The following ABCA9 variants were observed in gnomAD, a reference collection of about 807,000 sequenced individuals.
ABCA9 encodes the protein ATP-binding cassette sub-family A member 9.
Under a neutral mutation model 205.3 loss-of-function variants are expected in ABCA9, and 183 were observed. The observed-to-expected ratio is 0.89, with a 90% confidence interval of 0.79 to 1.01. The LOEUF (loss-of-function observed/expected upper bound fraction) is 1.01, where lower values mean the gene tolerates loss of function less well. Ranked by LOEUF, ABCA9 falls within the 50% of genes least tolerant of loss-of-function variation. The probability of loss-of-function intolerance (pLI) is 0.00; values close to 1 mark genes in which losing one functional copy is unlikely to be tolerated. For synonymous variants in ABCA9, 651 were observed against 683.3 expected (o/e 0.95, Z 0.74); for missense variants, 1,805 against 1,912.4 (o/e 0.94, Z 1.05).
chr17:69,077,284 GA>G, the ABCA9 span, among the ~76,000 whole-genome samples: 1 of 152,196 alleles, frequency 6.6e-6, no homozygotes, highest in East Asian at 1.9e-4. Context: ...TCATTCAGGA[GA>G]AAGTTTTTAA....
At position 69,014,400 on chromosome 17, in the gene ABCA9, T is replaced by C. The variant is rs551876654; in HGVS notation, c.3039+1853A>G. On this transcript the variant is annotated intron_variant, in intron 22 of 38. Transcript: ENST00000340001. ...GTTTAGACTTGGGTCCCATCCCCAA[T>C]ATATCTCATTATGTAAATGCAAATA... is the stretch of plus-strand genomic sequence containing the variant. Among the ~76,000 whole-genome samples, 11 of 152,260 alleles carry C rather than the reference T, an allele frequency of 7.2e-5. No homozygotes were observed. In the South Asian group the frequency reaches 2.1e-3, roughly 29 times the overall value.
At chr17:69,061,682 T>C (rs77116237), upstream of ABCA9, among the ~76,000 whole-genome samples, 25 of 152,350 alleles carry the variant, frequency 1.6e-4, no homozygotes, top group East Asian at 4.2e-3. Flanking sequence ...TACTGAATTT[T>C]AGTATGTCCT....
rs941592273 is a variant in ABCA9, at chr17:68,982,673, A to G, written c.4641-32T>C. ...AGAGAAGACAGTGAGGCTGAACTCC[A>G]GGTGTCAAGGTTGAAACCCCGATGG... On this transcript the variant is annotated intron_variant, in intron 36 of 38. Coordinates refer to ENST00000340001, the MANE Select transcript of ABCA9 (RefSeq NM_080283.4). 5 of 1,573,314 alleles carry G rather than the reference A, an allele frequency of 3.2e-6. No homozygotes were observed. In the African/African-American group the frequency reaches 6.8e-5, roughly 21 times the overall value.
chr17:69,009,407 C>T (rs1237605196), intron 23 of ABCA9, among the ~76,000 whole-genome samples: 2 of 142,986 alleles, frequency 1.4e-5, no homozygotes, highest in African/African-American at 2.5e-5. Flanking sequence ...AAGACCCTTC[C>T]GTGGAAAGAG....
chr17:68,992,833 G>A (rs1404559469), intron 27 of ABCA9, among the ~76,000 whole-genome samples, 183 bp downstream of exon 27: 1 of 149,024 alleles, frequency 6.7e-6, no homozygotes, highest in Non-Finnish European at 1.5e-5. Flanking sequence ...AAAGGGGGGG[G>A]GTCCAGGTTA....
chr17:69,042,597 G>C (rs974952572), intron 6 of ABCA9: 2 of 152,192 alleles, frequency 1.3e-5, no homozygotes, highest in African/African-American at 2.4e-5. Context: ...GTATTTTACT[G>C]AATATTGGAA....
At chr17:69,020,330 C>A (rs770063889) in intron 19 of ABCA9, 58 bp downstream of exon 19, 37 of 1,483,546 alleles carry the variant, frequency 2.5e-5, no homozygotes, top group Non-Finnish European at 3.3e-5. Context: ...ATGTTTTGCT[C>A]TCTTAAATTT....
rs1002438007 is a variant in ABCA9 at position 68,975,069 on chromosome 17, G to A, written c.*846C>T. 1.4e-4 allele frequency: 21 copies of A among 151,658 alleles called. No homozygotes were observed. The highest frequency in any genetic ancestry group is 5.1e-4 in the African/African-American group (21 of 41,204). The allele number at this position is 151,658 out of a possible 1,614,324, so 9.4% of individuals were successfully genotyped here. A position where few individuals can be genotyped will look rare whatever the true frequency, so the allele number is the denominator to read the frequency against. ...CTCCCTGTGTCCATGTATTCTCATT[G>A]TTCAATTCCCACTTATGAGTGAGAA... On this transcript the variant is annotated 3_prime_UTR_variant, in exon 39 of 39. Transcript: ENST00000340001.
At chr17:69,028,196 C>T (rs2071054257) in intron 12 of ABCA9, among the ~76,000 whole-genome samples, 1 of 151,988 alleles carries the variant, frequency 6.6e-6, no homozygotes, top group African/African-American at 2.4e-5. Context: ...GAGATGGAGT[C>T]TCACTCTGTC....
At chr17:68,978,935 A>C (rs966187052) in intron 37 of ABCA9, among the ~76,000 whole-genome samples, 13 of 152,068 alleles carry the variant, frequency 8.5e-5, no homozygotes, top group Non-Finnish European at 1.3e-4. Context: ...AGTTCTGGCC[A>C]GGGCAATCAG....
intron 3 of ABCA9, among the ~76,000 whole-genome samples, chr17:69,046,429 T>A (rs542682069): frequency 1.1e-4 from 17 of 152,310 alleles, no homozygotes; most frequent in East Asian, 9.6e-4. Context: ...TGATGTGTTG[T>A]TTTATGAGAG....
chr17:68,980,146 AAAG>A (rs1182264316), intron 37 of ABCA9, among the ~76,000 whole-genome samples: 2 of 152,230 alleles, frequency 1.3e-5, no homozygotes, highest in African/African-American at 4.8e-5. Flanking sequence ...ACACTTCTCA[AAAG>A]AAGACATTTA....
At position 68,984,492 on chromosome 17, in the gene ABCA9, T is replaced by C. The variant is rs951785549; in HGVS notation, c.4380-317A>G. ...CTTGATAATCATGACATACTCCCTA[T>C]AGGTACAAGATGACAGAATTCAGAA... On this transcript the variant is annotated intron_variant, in intron 34 of 38. Coordinates refer to ENST00000340001, the MANE Select transcript of ABCA9 (RefSeq NM_080283.4). 3.8e-4 allele frequency among the ~76,000 whole-genome samples: 58 copies of C among 152,214 alleles called. 3 individuals are homozygous for C. The highest frequency in any genetic ancestry group is 4.4e-5 in the Non-Finnish European group (3 of 68,040).
the ABCA9 span, among the ~76,000 whole-genome samples, chr17:69,075,105 G>A: frequency 2.0e-5 from 3 of 151,848 alleles, no homozygotes; most frequent in Non-Finnish European, 4.4e-5. Flanking sequence ...CTGGTTTTTT[G>A]CTTGTTGAAA....
At chr17:69,035,014 A>G (rs1231862542) in intron 8 of ABCA9, 1 of 320,344 alleles carries the variant, frequency 3.1e-6, no homozygotes, top group African/African-American at 2.1e-5. Context: ...GGGACAACCA[A>G]TTAGAAGTAG....
At chr17:69,027,204 A>C in intron 14 of ABCA9, 90 bp from the exon 15 acceptor site, 2 of 1,564,750 alleles carry the variant, frequency 1.3e-6, no homozygotes, top group Non-Finnish European at 1.7e-6. Context: ...TTTGGGAGAA[A>C]CTTGTTAGTA....
Position 69,024,285 on chromosome 17 carries a change from G to C in ABCA9, c.2210C>G (p.Ala737Gly), listed in dbSNP as rs756963636. Residue 737 changes from alanine to glycine, a missense_variant, in exon 17 of 39, where the codon GCC becomes GGC. Transcript: ENST00000340001. Reference protein sequence around the residue: ...TSLVKQHISDAKLTAQSEEKL... With the variant: ...TSLVKQHISDGKLTAQSEEKL... ...TTCTTCACTTTGTGCTGTCAATTTG[G>C]CATCAGAGATGTGCTGCTTAACCAG... is the stretch of plus-strand genomic sequence containing the variant. The C allele has an allele frequency of 1.1e-5, 18 of 1,612,744 alleles. No individual in the cohort carries two copies. The South Asian group carries it at 2.0e-4, about 18-fold the overall frequency.
intron 30 of ABCA9, among the ~76,000 whole-genome samples, chr17:68,989,563 T>G (rs2069376791): frequency 6.6e-6 from 1 of 152,176 alleles, no homozygotes; most frequent in Admixed American, 6.5e-5. Context: ...ATACCATCCT[T>G]CTTAACAGAA....
At chr17:69,072,715 A>G in the ABCA9 span, among the ~76,000 whole-genome samples, 1 of 152,206 alleles carries the variant, frequency 6.6e-6, no homozygotes, top group African/African-American at 2.4e-5. Context: ...ACCAGCTAGC[A>G]TCATAATGAC....
Sources: gnomAD v4.1 joint callset for allele counts (sites outside exome capture counted in the v4.1 genomes callset) on GRCh38, gnomAD v4.1.1 for gene constraint, MANE v1.5 for transcripts, NCBI Gene and HGNC (gene_info 2026-07-23, HGNC 2026-07-21) for gene names.